BMP4: variants seen among roughly 807,000 people sequenced by gnomAD.
The protein encoded by BMP4 is bone morphogenetic protein 4.
Under a neutral mutation model 29.6 loss-of-function variants are expected in BMP4, and 3 were observed. The observed-to-expected ratio is 0.10, with a 90% CI of 0.05 to 0.26. The LOEUF (loss-of-function observed/expected upper bound fraction) is 0.26, where lower values mean the gene tolerates loss of function less well. Ranked by LOEUF, BMP4 falls within the 10% of genes least tolerant of loss-of-function variation. The probability of loss-of-function intolerance (pLI) is 1.00; values close to 1 mark genes in which losing one functional copy is unlikely to be tolerated. For synonymous variants in BMP4, 197 were observed against 213.2 expected (o/e 0.92, Z 0.66); for missense variants, 455 against 550.2 (o/e 0.83, Z 1.73).
Position 53,950,301 on chromosome 14 carries a change from C to T in BMP4, c.958G>A (p.Val320Met). ...RHSLYVDFSD[V>M]GWNDWIVAPP... ...GCCACAATCCAGTCATTCCAGCCCA[C>T]ATCGCTGAAGTCCACATAGAGCGAG... The change falls in exon 4 of 4, where the codon GTG becomes ATG. Residue 320 changes from valine to methionine, a missense_variant. Transcript: ENST00000245451. This position sits in a 1 kb window ranked among gnomAD's most constrained non-coding sequence, Gnocchi z 5.4. The T allele has an allele frequency of 6.2e-7, 1 of 1,614,256 alleles. No individual in the cohort carries two copies. The highest frequency in any genetic ancestry group is 2.2e-5 in the East Asian group (1 of 44,880).
Position 53,954,939 on chromosome 14 carries a change from T to C in BMP4, c.-132-1539A>G, listed in dbSNP as rs978519529. 6.6e-6 allele frequency among the ~76,000 whole-genome samples: 1 copy of C among 152,164 alleles called. No homozygotes were observed. Among genetic ancestry groups the C allele is most frequent in the Non-Finnish European group, 1.5e-5 (1 of 68,016 alleles). ...TTTTCTTCTTAGGGGCATTGGCAGGTAGACTTTGAGGAAGAAAAGTAAAGG... is the reference window on the plus strand; with the variant it reads ...TTTTCTTCTTAGGGGCATTGGCAGGCAGACTTTGAGGAAGAAAAGTAAAGG... On this transcript the variant is annotated intron_variant, in intron 1 of 3. Coordinates refer to ENST00000245451, the MANE Select transcript of BMP4 (RefSeq NM_001202.6). The surrounding 1 kb of genome is among the most constrained non-coding windows in gnomAD (Gnocchi z 4.8).
Position 53,950,359 on chromosome 14 carries a change from C to CCCG in BMP4, c.899_900insCGG (p.Arg300_Ala301insGly), listed in dbSNP as rs1468326672. The CCCG allele has an allele frequency of 6.2e-7, 1 of 1,614,048 alleles. No individual in the cohort carries two copies. The highest frequency in any genetic ancestry group is 8.5e-7 in the Non-Finnish European group (1 of 1,179,954). The stretch of plus-strand genomic sequence containing the variant: ...GGCAGTTCTTATTCTTCTTCCTGGC[C>CCCG]CGCTGTGAGTGATGCTTAGGGCTAC... On this transcript the variant is annotated inframe_insertion, in exon 4 of 4. Coordinates refer to ENST00000245451, the MANE Select transcript of BMP4 (RefSeq NM_001202.6). The surrounding 1 kb of genome is among the most constrained non-coding windows in gnomAD (Gnocchi z 5.4).
In BMP4 at chr14:53,955,002, C is replaced by A. The variant is rs955128046; in HGVS notation, c.-133+1548G>T. Among the ~76,000 whole-genome samples, 1 of 152,210 alleles carries A rather than the reference C, an allele frequency of 6.6e-6. No homozygotes were observed. The highest frequency in any genetic ancestry group is 1.5e-5 in the Non-Finnish European group (1 of 68,034). ...AGCCCTCCCTCCCGACCGTGGATGCCCGGAGTCGACCAACACCTCAGGTCC... is the reference window on the plus strand; with the variant it reads ...AGCCCTCCCTCCCGACCGTGGATGCACGGAGTCGACCAACACCTCAGGTCC... On this transcript the variant is annotated intron_variant, in intron 1 of 3. Transcript: ENST00000245451. The surrounding 1 kb of genome is among the most constrained non-coding windows in gnomAD (Gnocchi z 4.0).
Position 53,950,025 on chromosome 14 carries a change from C to T in BMP4, c.*7G>A, listed in dbSNP as rs1297739595. 1.2e-6 allele frequency: 2 copies of T among 1,613,644 alleles called. No homozygotes were observed. Among genetic ancestry groups the T allele is most frequent in the Admixed American group, 3.3e-5 (2 of 59,930 alleles). On this transcript the variant is annotated 3_prime_UTR_variant, in exon 4 of 4. Coordinates refer to ENST00000245451, the MANE Select transcript of BMP4 (RefSeq NM_001202.6). This position sits in a 1 kb window ranked among gnomAD's most constrained non-coding sequence, Gnocchi z 5.4. ...TATATCTGTCTATCCTCAAGGACTG[C>T]CTGATCTCAGCGGCACCCACATCCC...
In BMP4 at chr14:53,952,011, G is replaced by A; in HGVS notation, c.212C>T (p.Pro71Leu). Residue 71 changes from proline to leucine, a missense_variant, in exon 3 of 4, where the codon CCG (proline) becomes CTG (leucine). By Grantham distance (98) the Pro-to-Leu change is moderately conservative. Coordinates refer to ENST00000245451, the MANE Select transcript of BMP4 (RefSeq NM_001202.6). ...LLQMFGLRRR[P>L]QPSKSAVIPD... ...AATGACGGCACTCTTGCTAGGCTGC[G>A]GGCGGCGGCGCAGCCCAAACATCTG... is the stretch of plus-strand genomic sequence containing the variant. 1 of 1,613,894 alleles carries A rather than the reference G, an allele frequency of 6.2e-7. No homozygotes were observed. The highest frequency in any genetic ancestry group is 8.5e-7 in the Non-Finnish European group (1 of 1,180,030).
At position 53,950,483 on chromosome 14, in the gene BMP4, G is replaced by A. The variant is rs1195073655; in HGVS notation, c.776C>T (p.Pro259Leu). ...CTGGGCCCAATTCCCACTCCCTTGA[G>A]GTAACGATCGGCTAATCCTGACATG... ...GQHVRISRSL[P>L]QGSGNWAQLR... Residue 259 changes from proline (P) to leucine (L), a missense_variant, in exon 4 of 4, where the codon CCT becomes CTT. By Grantham distance (98) the Pro-to-Leu change is moderately conservative. Around this residue, in one of 4 missense-constraint regions of BMP4, gnomAD observed 154 missense variants for 156.8 expected, o/e 0.98. Coordinates refer to ENST00000245451, the MANE Select transcript of BMP4 (RefSeq NM_001202.6). The surrounding 1 kb of genome is among the most constrained non-coding windows in gnomAD (Gnocchi z 5.4). 6.2e-7 allele frequency: 1 copy of A among 1,614,160 alleles called. No individual in the cohort carries two copies. The highest frequency in any genetic ancestry group is 8.5e-7 in the Non-Finnish European group (1 of 1,180,056).
chr14:53,952,247 A>G lies in BMP4; in HGVS notation c.-7-18T>C, dbSNP rs754124188. On this transcript the variant is annotated intron_variant, in intron 2 of 3. Coordinates refer to ENST00000245451, the MANE Select transcript of BMP4 (RefSeq NM_001202.6). The stretch of plus-strand genomic sequence containing the variant: ...TGGTGTCTCTGGGGAGGGGGAGGGG[A>G]GTGGAAGGTTAAAGAATAAATAAAC... The G allele has an allele frequency of 4.3e-5, 69 of 1,612,214 alleles. No individual in the cohort carries two copies. Among genetic ancestry groups the G allele is most frequent in the Non-Finnish European group, 5.3e-5 (63 of 1,179,242 alleles).
At chr14:53,952,902 C>T (rs773128148) in intron 2 of BMP4, among the ~76,000 whole-genome samples, 1 of 152,132 alleles carries the variant, frequency 6.6e-6, no homozygotes, top group Non-Finnish European at 1.5e-5. Context: ...GAGACGATTC[C>T]GGAGAGACCT....
rs1190378821 is a variant in BMP4 at position 53,954,805 on chromosome 14, C to T, written c.-132-1405G>A. On this transcript the variant is annotated intron_variant, in intron 1 of 3. Transcript: ENST00000245451. This position sits in a 1 kb window ranked among gnomAD's most constrained non-coding sequence, Gnocchi z 4.8. Reference sequence around the variant, plus strand: ...CCCATGACTCCTGCCCCAAAGCCCACTCCACCCGACCTCCCTTTCCTGAGG... The same window carrying T: ...CCCATGACTCCTGCCCCAAAGCCCATTCCACCCGACCTCCCTTTCCTGAGG... Among the ~76,000 whole-genome samples the T allele has an allele frequency of 6.6e-6, 1 of 152,152 alleles. No homozygotes were observed. The highest frequency in any genetic ancestry group is 1.5e-5 in the Non-Finnish European group (1 of 68,022).
Position 53,953,517 on chromosome 14 carries a change from T to C in BMP4, c.-132-117A>G, listed in dbSNP as rs2761881. ...CTCCCGCGGCAGGCGGCGAAAGGGCTTGCGCGCCCTCCCCTCCTCCACAGC... is the reference window on the plus strand; with the variant it reads ...CTCCCGCGGCAGGCGGCGAAAGGGCCTGCGCGCCCTCCCCTCCTCCACAGC... On this transcript the variant is annotated intron_variant, in intron 1 of 3. Coordinates refer to ENST00000245451, the MANE Select transcript of BMP4 (RefSeq NM_001202.6). The C allele has an allele frequency of 0.98, 386,575 of 393,416 alleles. 190,275 individuals are homozygous for C. The highest frequency in any genetic ancestry group is 1 in the East Asian group (27,684 of 27,684). 24.4% of individuals were successfully genotyped at this position (393,416 alleles called of 1,614,324 possible).
Position 53,954,138 on chromosome 14 carries a change from G to C in BMP4, c.-132-738C>G, listed in dbSNP as rs1396944114. ...GCCGGGAATGGGAGGGAGGGTGTTA[G>C]AGGGTGATCGCTGTGGGAAAGTGAG... On this transcript the variant is annotated intron_variant, in intron 1 of 3. Coordinates refer to ENST00000245451, the MANE Select transcript of BMP4 (RefSeq NM_001202.6). The surrounding 1 kb of genome is among the most constrained non-coding windows in gnomAD (Gnocchi z 4.8). 2.6e-5 allele frequency among the ~76,000 whole-genome samples: 4 copies of C among 152,142 alleles called. No homozygotes were observed. The highest frequency in any genetic ancestry group is 4.4e-5 in the Non-Finnish European group (3 of 68,026).
chr14:53,956,574 C>T lies in BMP4; in HGVS notation c.-157G>A, dbSNP rs2140246478. On this transcript the variant is annotated 5_prime_UTR_variant, in exon 1 of 4. Transcript: ENST00000245451. ...CCATAGGTCCCTGCAGTAGCGGGCT[C>T]GCCAGCAGCAGCTCCTGGGGACCTC... 1 of 399,288 alleles carries T rather than the reference C, an allele frequency of 2.5e-6. No individual in the cohort carries two copies. The highest frequency in any genetic ancestry group is 3.6e-5 in the East Asian group (1 of 28,054). 24.7% of individuals were successfully genotyped at this position (399,288 alleles called of 1,614,324 possible).
In BMP4 at chr14:53,955,114, C is replaced by A. The variant is rs1233558893; in HGVS notation, c.-133+1436G>T. On this transcript the variant is annotated intron_variant, in intron 1 of 3. Transcript: ENST00000245451. This position sits in a 1 kb window ranked among gnomAD's most constrained non-coding sequence, Gnocchi z 4.0. ...TTCGCCTTTGCTGGTCCCGCGCCACCGCTGGGGCGGGCTGCGAAAGGGTTG... is the reference window on the plus strand; with the variant it reads ...TTCGCCTTTGCTGGTCCCGCGCCACAGCTGGGGCGGGCTGCGAAAGGGTTG... Among the ~76,000 whole-genome samples, 1 of 152,200 alleles carries A rather than the reference C, an allele frequency of 6.6e-6. No homozygotes were observed. The highest frequency in any genetic ancestry group is 1.5e-5 in the Non-Finnish European group (1 of 68,030).
intron 1 of BMP4, among the ~76,000 whole-genome samples, chr14:53,953,931 C>T (rs913696123): frequency 1.3e-5 from 2 of 151,370 alleles, no homozygotes; most frequent in African/African-American, 2.4e-5. Context: ...ACACACACAC[C>T]CCCCCACACA....
intron 3 of BMP4, 143 bp from the exon 4 acceptor site, chr14:53,951,031 A>G: frequency 8.7e-7 from 1 of 1,154,732 alleles, no homozygotes; most frequent in Non-Finnish European, 1.3e-6. Context: ...GAAAATAAGC[A>G]TACCCCTTAA....
In BMP4 at chr14:53,954,420, C is replaced by T. The variant is rs1895625227; in HGVS notation, c.-132-1020G>A. On this transcript the variant is annotated intron_variant, in intron 1 of 3. Coordinates refer to ENST00000245451, the MANE Select transcript of BMP4 (RefSeq NM_001202.6). The surrounding 1 kb of genome is among the most constrained non-coding windows in gnomAD (Gnocchi z 4.8). ...GACCCGGCGCAGAAAGGAAATCCCA[C>T]CATGTTCCCCGGAGTCGAGAAAACG... 6.6e-6 allele frequency: 1 copy of T among 152,158 alleles called. No homozygotes were observed. Among genetic ancestry groups the T allele is most frequent in the Non-Finnish European group, 1.5e-5 (1 of 68,038 alleles). 9.4% of individuals were successfully genotyped at this position (152,158 alleles called of 1,614,324 possible). A position where few individuals can be genotyped will look rare whatever the true frequency, so the allele number is the denominator to read the frequency against.
At position 53,953,313 on chromosome 14, in the gene BMP4, C is replaced by A; in HGVS notation, c.-45G>T. On this transcript the variant is annotated 5_prime_UTR_variant, in exon 2 of 4. Transcript: ENST00000245451. ...AGGCATATAATAACAGTCCATGATT[C>A]TTGACAGCCAATCTTGAACAAACTT... 2.5e-6 allele frequency: 1 copy of A among 399,204 alleles called. No homozygotes were observed. The allele number at this position is 399,204 out of a possible 1,614,324, so 24.7% of individuals were successfully genotyped here.
Position 53,950,453 on chromosome 14 carries a change from C to T in BMP4, c.806G>A (p.Arg269Gln), listed in dbSNP as rs534215890. Residue 269 changes from arginine (R) to glutamine (Q), a missense_variant, in exon 4 of 4, where the codon CGG becomes CAG. Around this residue, in one of 4 missense-constraint regions of BMP4, gnomAD observed 154 missense variants for 156.8 expected, o/e 0.98. Coordinates refer to ENST00000245451, the MANE Select transcript of BMP4 (RefSeq NM_001202.6). The surrounding 1 kb of genome is among the most constrained non-coding windows in gnomAD (Gnocchi z 5.4). Reference sequence around the variant, plus strand: ...ATGGCCAAAGGTGACCAGGAGGGGCCGGAGCTGGGCCCAATTCCCACTCCC... The same window carrying T: ...ATGGCCAAAGGTGACCAGGAGGGGCTGGAGCTGGGCCCAATTCCCACTCCC... ...PQGSGNWAQL[R>Q]PLLVTFGHDG... The T allele has an allele frequency of 7.6e-5, 122 of 1,613,928 alleles. No individual in the cohort carries two copies. The East Asian group carries it at 1.4e-3, about 19-fold the overall frequency.
chr14:53,955,474 C>G lies in BMP4; in HGVS notation c.-133+1076G>C, dbSNP rs1416906864. 1 of 152,218 alleles carries G rather than the reference C, an allele frequency of 6.6e-6. No homozygotes were observed. Among genetic ancestry groups the G allele is most frequent in the Non-Finnish European group, 1.5e-5 (1 of 68,046 alleles). The allele number at this position is 152,218 out of a possible 1,614,324, so 9.4% of individuals were successfully genotyped here. A position where few individuals can be genotyped will look rare whatever the true frequency, so the allele number is the denominator to read the frequency against. ...ATAAAAGCCAAAAGAACTTTCATCC[C>G]CAGAGCTTTTTATTGGGGGAAAGGA... On this transcript the variant is annotated intron_variant, in intron 1 of 3. Transcript: ENST00000245451. The surrounding 1 kb of genome is among the most constrained non-coding windows in gnomAD (Gnocchi z 4.0).
Sources: gnomAD v4.1 joint callset for allele counts (sites outside exome capture counted in the v4.1 genomes callset) on GRCh38, gnomAD v4.1.1 for gene constraint, gnomAD v4.1.1 regional missense constraint, Gnocchi (gnomAD v3.1) non-coding constraint, MANE v1.5 for transcripts, NCBI Gene and HGNC (gene_info 2026-07-23, HGNC 2026-07-21) for gene names.